IPCEF1: variants seen among roughly 807,000 people sequenced by gnomAD.
The protein encoded by IPCEF1 is interactor protein for cytohesin exchange factors 1.
IPCEF1 carries 31 observed loss-of-function variants against 50.9 expected under a neutral mutation model. The ratio of observed to expected loss-of-function variants is 0.61; its 90% CI spans 0.46 to 0.82. The LOEUF (loss-of-function observed/expected upper bound fraction) is 0.82, where lower values mean the gene tolerates loss of function less well. IPCEF1 is among the 40% of genes least tolerant of loss of function. IPCEF1 has a pLI of 0.00. For missense variants in IPCEF1, 458 were observed against 514.0 expected (o/e 0.89, Z 1.05); for synonymous variants, 181 against 192.0 (o/e 0.94, Z 0.47).
intron 10 of IPCEF1, among the ~76,000 whole-genome samples, chr6:154,181,893 G>C (rs911467045): frequency 6.2e-4 from 94 of 152,274 alleles, no homozygotes; most frequent in African/African-American, 2.1e-3. Context: ...ATGTGTACAA[G>C]ACTGCAGCCA....
intron 1 of IPCEF1, among the ~76,000 whole-genome samples, chr6:154,333,479 C>T (rs1298642778): frequency 2.6e-5 from 4 of 152,004 alleles, no homozygotes; most frequent in Non-Finnish European, 4.4e-5. Flanking sequence ...GCTCTCCTAG[C>T]TCCTCAGCTT....
chr6:154,324,900 GA>G (rs368657413), intron 1 of IPCEF1, among the ~76,000 whole-genome samples: 103 of 151,650 alleles, frequency 6.8e-4, no homozygotes, highest in African/African-American at 2.3e-3. Flanking sequence ...TTCCAGCATG[GA>G]AAAAAAAGTA....
At chr6:154,217,936 A>C (rs551750885) in intron 7 of IPCEF1, among the ~76,000 whole-genome samples, 34 of 152,350 alleles carry the variant, frequency 2.2e-4, no homozygotes, top group Admixed American at 1.3e-4. Context: ...GACAATAAAG[A>C]AAATATTTCT....
intron 1 of IPCEF1, among the ~76,000 whole-genome samples, chr6:154,350,538 A>G (rs1213768633): frequency 6.6e-6 from 1 of 152,230 alleles, no homozygotes; most frequent in Non-Finnish European, 1.5e-5. Flanking sequence ...GTCACGTCCA[A>G]TTTGGCCCCT....
chr6:154,343,896 T>C (rs549458719), intron 1 of IPCEF1, among the ~76,000 whole-genome samples: 23 of 152,204 alleles, frequency 1.5e-4, no homozygotes, highest in Non-Finnish European at 3.4e-4. Context: ...CCTCTTGCCC[T>C]TGCCCCGTGG....
At chr6:154,261,442 G>A (rs1226942763) in intron 3 of IPCEF1, among the ~76,000 whole-genome samples, 11 of 152,202 alleles carry the variant, frequency 7.2e-5, no homozygotes, top group Admixed American at 7.2e-4. Context: ...TGTGGCAATT[G>A]GATTGGAGGG....
intron 10 of IPCEF1, among the ~76,000 whole-genome samples, chr6:154,199,328 G>T (rs1188190135): frequency 6.6e-6 from 1 of 152,186 alleles, no homozygotes; most frequent in Non-Finnish European, 1.5e-5. Context: ...ACAAAATCCT[G>T]ATTTAACCAC....
rs57450665 is a variant in IPCEF1, at chr6:154,219,985, A to AGTGTGTGT, written c.392+1264_392+1271dup. 4.1e-3 allele frequency among the ~76,000 whole-genome samples: 572 copies of AGTGTGTGT among 140,130 alleles called. 2 individuals are homozygous for AGTGTGTGT. Among genetic ancestry groups the AGTGTGTGT allele is most frequent in the African/African-American group, 0.013 (478 of 37,988 alleles). The allele number at this position is 140,130 out of a possible 152,430, so 91.9% of individuals were successfully genotyped here. A position where few individuals can be genotyped will look rare whatever the true frequency, so the allele number is the denominator to read the frequency against. The stretch of plus-strand genomic sequence containing the variant: ...CAGAGCTGAGCGGATACCTGTAAGG[A>AGTGTGTGT]GTGTGTGTGTGTGTGTGTGTGTGTG... On this transcript the variant is annotated intron_variant, in intron 7 of 11. Coordinates refer to ENST00000367220, the MANE Select transcript of IPCEF1 (RefSeq NM_001130700.2).
intron 11 of IPCEF1, among the ~76,000 whole-genome samples, chr6:154,166,272 C>G (rs968367442): frequency 6.6e-6 from 1 of 152,204 alleles, no homozygotes; most frequent in African/African-American, 2.4e-5. Context: ...TAATTCTTTT[C>G]ACAAAGTTGG....
At chr6:154,222,562 G>A (rs948494486) in intron 6 of IPCEF1, among the ~76,000 whole-genome samples, 2 of 152,188 alleles carry the variant, frequency 1.3e-5, no homozygotes, top group Non-Finnish European at 2.9e-5. Context: ...ATAGATACCT[G>A]GGTTTACAGC....
At chr6:154,283,328 G>A (rs1437565871) in intron 2 of IPCEF1, among the ~76,000 whole-genome samples, 1 of 141,402 alleles carries the variant, frequency 7.1e-6, no homozygotes, top group Admixed American at 7.4e-5. Context: ...CGGGCACAGT[G>A]CCTCACACCT....
In IPCEF1 at chr6:154,246,642, C is replaced by G. The variant is rs1781067978; in HGVS notation, c.195G>C (p.Lys65Asn). The G allele has an allele frequency of 2.5e-6, 4 of 1,614,094 alleles. No individual in the cohort carries two copies. The highest frequency in any genetic ancestry group is 2.7e-5 in the African/African-American group (2 of 75,040). The change falls in exon 5 of 12, where the codon AAG becomes AAC. Residue 65 changes from lysine (K) to asparagine (N), a missense_variant. Transcript: ENST00000367220. Reference protein sequence around the residue: ...KGSFLSNKWKKFWVILKGSSL... With the variant: ...KGSFLSNKWKNFWVILKGSSL... ...ACGACCCCTTCAGTATCACCCAGAA[C>G]TTTTTCCATTTGTTGCTTAGGAAAC... is the stretch of plus-strand genomic sequence containing the variant.
At chr6:154,166,752 C>G (rs1400527991) in intron 11 of IPCEF1, among the ~76,000 whole-genome samples, 1 of 152,188 alleles carries the variant, frequency 6.6e-6, no homozygotes, top group Non-Finnish European at 1.5e-5. Flanking sequence ...ACTTTACTCA[C>G]TCATATCAGC....
At chr6:154,273,704 T>TTCTTTTTTCTTTTTTTC (rs371410830) in intron 2 of IPCEF1, among the ~76,000 whole-genome samples, 5 of 77,300 alleles carry the variant, frequency 6.5e-5, no homozygotes, top group African/African-American at 2.3e-4. Context: ...TTTTTTCTTT[T>TTCTTTTTTCTTTTTTTC]TTTCTTTCTT....
At chr6:154,213,634 G>T (rs1232447537) in intron 8 of IPCEF1, among the ~76,000 whole-genome samples, 1 of 152,134 alleles carries the variant, frequency 6.6e-6, no homozygotes, top group African/African-American at 2.4e-5. Flanking sequence ...ATTTCAGAAA[G>T]ACTATGAGTT....
intron 1 of IPCEF1, among the ~76,000 whole-genome samples, chr6:154,346,853 G>C (rs1784040109): frequency 6.6e-6 from 1 of 152,176 alleles, no homozygotes; most frequent in Non-Finnish European, 1.5e-5. Context: ...TTACAATTTG[G>C]ATTACAGTTC....
Position 154,273,724 on chromosome 6 carries a change from CTTTTTTTTTTTTTTTTTTTTTTTTT to C in IPCEF1, c.-17-7785_-17-7761del, listed in dbSNP as rs71021036. Among the ~76,000 whole-genome samples the C allele has an allele frequency of 9.4e-3, 593 of 63,330 alleles. 19 individuals carry two copies. The highest frequency in any genetic ancestry group is 0.031 in the African/African-American group (554 of 17,848). 41.5% of individuals were successfully genotyped at this position (63,330 alleles called of 152,430 possible). A position where few individuals can be genotyped will look rare whatever the true frequency, so the allele number is the denominator to read the frequency against. ...TCTTTTTTTCTTTCTTTCTTTCTTTCTTTTTTTTTTTTTTTTTTTTTTTTTTTTTTTTTTTTTTTTTTTTTTTGAG... is the reference window on the plus strand; with the variant it reads ...TCTTTTTTTCTTTCTTTCTTTCTTTCTTTTTTTTTTTTTTTTTTTTTTGAG... On this transcript the variant is annotated intron_variant, in intron 2 of 11. Coordinates refer to ENST00000367220, the MANE Select transcript of IPCEF1 (RefSeq NM_001130700.2).
intron 7 of IPCEF1, chr6:154,219,324 G>C (rs1382333725): frequency 6.6e-6 from 1 of 152,350 alleles, no homozygotes; most frequent in South Asian, 2.1e-4. Flanking sequence ...TTGCTGGAGA[G>C]AGGAAAACTA....
At position 154,356,781 on chromosome 6, in the gene IPCEF1, G is replaced by A. The variant is rs887180506; in HGVS notation, c.-171C>T. The A allele has an allele frequency of 3.3e-5, 5 of 152,164 alleles. No homozygotes were observed. Among genetic ancestry groups the A allele is most frequent in the African/African-American group, 7.2e-5 (3 of 41,430 alleles). 9.4% of individuals were successfully genotyped at this position (152,164 alleles called of 1,614,324 possible). On this transcript the variant is annotated 5_prime_UTR_variant, in exon 1 of 12. Transcript: ENST00000367220. ...TTCTACTTAAAGCAGCCTCAGCTCT[G>A]GAAACTCAGTCAACCCAGAACTAAC... is the stretch of plus-strand genomic sequence containing the variant.
Sources: allele counts gnomAD v4.1 joint callset (sites outside exome capture counted in the v4.1 genomes callset), GRCh38; gene constraint gnomAD v4.1.1; transcripts MANE v1.5; gene names NCBI Gene and HGNC (gene_info 2026-07-23, HGNC 2026-07-21).